AHRR: variants seen among roughly 807,000 people sequenced by gnomAD.
AHRR encodes the protein aryl hydrocarbon receptor repressor, also known as ahR repressor.
In AHRR, 28 loss-of-function variants were observed where a neutral mutation model predicts 44.0. The ratio of observed to expected loss-of-function variants is 0.64; its 90% CI spans 0.47 to 0.87. AHRR has a LOEUF of 0.87. Ranked by LOEUF, AHRR falls within the 40% of genes least tolerant of loss-of-function variation. The probability of loss-of-function intolerance (pLI) is 0.00; values close to 1 mark genes in which losing one functional copy is unlikely to be tolerated. For synonymous variants in AHRR, 434 were observed against 407.0 expected (o/e 1.07, Z -0.80); for missense variants, 990 against 953.9 (o/e 1.04, Z -0.50).
intron 1 of AHRR, among the ~76,000 whole-genome samples, chr5:322,114 C>T (rs913253735): frequency 6.6e-6 from 1 of 152,026 alleles, no homozygotes; most frequent in South Asian, 2.1e-4. Flanking sequence ...GCGTTCCGTG[C>T]GGGCCGCGCT....
rs143193879 is a variant in AHRR, at chr5:388,906, G to A, written c.351+12190G>A. On this transcript the variant is annotated intron_variant, in intron 4 of 10. Transcript: ENST00000684583. This position sits in a 1 kb window ranked among gnomAD's most constrained non-coding sequence, Gnocchi z 5.2. ...AAAGCAGCAGGTGCGGAGGGTTTCC[G>A]CCGGTGCCTCGCACAGGAGAGAAGA... is the stretch of plus-strand genomic sequence containing the variant. Among the ~76,000 whole-genome samples, 689 of 152,272 alleles carry A rather than the reference G, an allele frequency of 4.5e-3. 5 individuals carry two copies. The highest frequency in any genetic ancestry group is 0.012 in the African/African-American group (509 of 41,566).
rs149277802 is a variant in AHRR at position 403,585 on chromosome 5, G to A, written c.352-9759G>A. 4.1e-3 allele frequency: 1,514 copies of A among 366,058 alleles called. 10 individuals are homozygous for A. Among genetic ancestry groups the A allele is most frequent in the South Asian group, 9.9e-3 (273 of 27,488 alleles). The allele number at this position is 366,058 out of a possible 1,614,324, so 22.7% of individuals were successfully genotyped here. A position where few individuals can be genotyped will look rare whatever the true frequency, so the allele number is the denominator to read the frequency against. On this transcript the variant is annotated intron_variant, in intron 4 of 10. Coordinates refer to ENST00000684583, the MANE Select transcript of AHRR (RefSeq NM_001377236.1). ...TGGGAGGCGGAGGTTGCAGTGAGCC[G>A]AGATCGCACCACACTGTACTCCAGC...
Position 376,645 on chromosome 5 carries a change from G to A in AHRR, c.280G>A (p.Gly94Ser), listed in dbSNP as rs191789057. Reference protein sequence around the residue: ...QEQSSRQPAAGAPSPGDSCPL... With the variant: ...QEQSSRQPAASAPSPGDSCPL... ...GCAGAGCTCACGGCAGCCTGCGGCC[G>A]GCGCCCCCTCGCCCGGAGACAGCTG... Residue 94 changes from glycine to serine, a missense_variant, in exon 4 of 11, where the codon GGC (glycine) becomes AGC (serine). Gly to Ser is a moderately conservative substitution (Grantham distance 56). Transcript: ENST00000684583. 819 of 1,152,066 alleles carry A rather than the reference G, an allele frequency of 7.1e-4. 1 individual carries two copies. In the African/African-American group the frequency reaches 0.017, roughly 24 times the overall value. 71.4% of individuals were successfully genotyped at this position (1,152,066 alleles called of 1,614,324 possible). A position where few individuals can be genotyped will look rare whatever the true frequency, so the allele number is the denominator to read the frequency against.
rs560257714 is a variant in AHRR at position 414,432 on chromosome 5, A to G, written c.441+999A>G. Among the ~76,000 whole-genome samples the G allele has an allele frequency of 3.9e-3, 595 of 152,256 alleles. 3 individuals are homozygous for G. Among genetic ancestry groups the G allele is most frequent in the African/African-American group, 0.013 (558 of 41,534 alleles). ...CGAGGACCCCCAGGATCTGGAAATCAGGCGTACTGCAGACTGATAGATTTC... is the reference window on the plus strand; with the variant it reads ...CGAGGACCCCCAGGATCTGGAAATCGGGCGTACTGCAGACTGATAGATTTC... On this transcript the variant is annotated intron_variant, in intron 5 of 10. Transcript: ENST00000684583.
At chr5:410,907 AAATT>A (rs547123121) in intron 4 of AHRR, among the ~76,000 whole-genome samples, 112 of 152,214 alleles carry the variant, frequency 7.4e-4, no homozygotes, top group Middle Eastern at 6.8e-3. Flanking sequence ...TGTTTCACTT[AAATT>A]GTTTAATGTA....
intron 1 of AHRR, among the ~76,000 whole-genome samples, chr5:324,641 T>G (rs978205481): frequency 8.6e-5 from 13 of 151,404 alleles, no homozygotes; most frequent in Admixed American, 6.6e-4. Context: ...ATACAAAAAT[T>G]AGCCGGGTGT....
intron 5 of AHRR, chr5:421,262 C>A: frequency 1.4e-6 from 1 of 697,850 alleles, no homozygotes; most frequent in South Asian, 1.5e-5. Context: ...GGAGCGGATG[C>A]CGTGTGCAGG....
At chr5:372,612 C>T (rs1019209907) in intron 3 of AHRR, among the ~76,000 whole-genome samples, 1 of 152,102 alleles carries the variant, frequency 6.6e-6, no homozygotes, top group South Asian at 2.1e-4. Flanking sequence ...GGCTGGGGTG[C>T]GTGATCTCCA....
rs560843192 is a variant in AHRR at position 332,606 on chromosome 5, A to G, written c.-11+10787A>G. Among the ~76,000 whole-genome samples, 28 of 152,204 alleles carry G rather than the reference A, an allele frequency of 1.8e-4. No individual in the cohort carries two copies. In the South Asian group the frequency reaches 5.8e-3, roughly 32 times the overall value. ...GCATAATATATGGTCTGTCTTGGAGAATGTCCCATGTGCTGATGAAAAGAA... is the reference window on the plus strand; with the variant it reads ...GCATAATATATGGTCTGTCTTGGAGGATGTCCCATGTGCTGATGAAAAGAA... On this transcript the variant is annotated intron_variant, in intron 1 of 10. Coordinates refer to ENST00000684583, the MANE Select transcript of AHRR (RefSeq NM_001377236.1).
chr5:323,996 TC>T (rs1741602808), intron 1 of AHRR, among the ~76,000 whole-genome samples: 5 of 142,400 alleles, frequency 3.5e-5, no homozygotes, highest in African/African-American at 5.2e-5. Context: ...TACCTTCCTT[TC>T]TTTTTTTCTC....
At chr5:332,801 C>T (rs929774211) in intron 1 of AHRR, among the ~76,000 whole-genome samples, 1 of 152,132 alleles carries the variant, frequency 6.6e-6, no homozygotes, top group Non-Finnish European at 1.5e-5. Context: ...CTCTCTCTCT[C>T]TCTTTAGTTC....
rs749432096 is a variant in AHRR, at chr5:422,716, T to C, written c.442-13T>C. The C allele has an allele frequency of 1.2e-6, 2 of 1,614,158 alleles. No homozygotes were observed. The highest frequency in any genetic ancestry group is 4.5e-5 in the East Asian group (2 of 44,884). ...TGGGGTAAGGCTGAAATAATCTTGT[T>C]GCGCTATTTCAGACGGATGTAATGC... On this transcript the variant is annotated splice_polypyrimidine_tract_variant and intron_variant, in intron 5 of 10. Transcript: ENST00000684583.
chr5:345,589 G>A lies in AHRR; in HGVS notation c.62+1625G>A, dbSNP rs939428455. On this transcript the variant is annotated intron_variant, in intron 2 of 10. Transcript: ENST00000684583. ...ATGTGTGGGTGTGTGTGGGTGTGTG[G>A]GGGTGTGTCTGTGTGTGTGGGTGTG... 9.0e-5 allele frequency among the ~76,000 whole-genome samples: 13 copies of A among 144,384 alleles called. 1 individual carries two copies. Among genetic ancestry groups the A allele is most frequent in the Admixed American group, 2.7e-4 (4 of 14,594 alleles). The allele number at this position is 144,384 out of a possible 152,430, so 94.7% of individuals were successfully genotyped here.
At chr5:350,775 TAA>T (rs11306149) in intron 2 of AHRR, among the ~76,000 whole-genome samples, 2,831 of 133,408 alleles carry the variant, frequency 0.021, 42 homozygotes, top group African/African-American at 0.053. Flanking sequence ...GGTGCAACAT[TAA>T]AAAAAAAAAA....
intron 4 of AHRR, among the ~76,000 whole-genome samples, chr5:385,018 C>A (rs1734115097): frequency 6.6e-6 from 1 of 152,134 alleles, no homozygotes; most frequent in African/African-American, 2.4e-5. Flanking sequence ...GTGGCACATG[C>A]CTGTAATCCC....
rs550244690 is a variant in AHRR at position 353,637 on chromosome 5, C to T, written c.63-93C>T. Reference sequence around the variant, plus strand: ...TTGTCCTGGCAGCAGCGTAGATGCTCCTAGTAAGGTCACTGCAGAGGACGG... The same window carrying T: ...TTGTCCTGGCAGCAGCGTAGATGCTTCTAGTAAGGTCACTGCAGAGGACGG... On this transcript the variant is annotated intron_variant, in intron 2 of 10. Transcript: ENST00000684583. 1.7e-5 allele frequency: 20 copies of T among 1,212,044 alleles called. No homozygotes were observed. In the South Asian group the frequency reaches 2.0e-4, roughly 12 times the overall value. The allele number at this position is 1,212,044 out of a possible 1,614,324, so 75.1% of individuals were successfully genotyped here.
chr5:420,777 C>T, intron 5 of AHRR: 1 of 159,522 alleles, frequency 6.3e-6, no homozygotes, highest in Non-Finnish European at 1.3e-5. Context: ...CAGAAAGAGA[C>T]ACCTCCGCGC....
At chr5:430,129 C>T (rs1005984199) in intron 8 of AHRR, among the ~76,000 whole-genome samples, 1 of 152,210 alleles carries the variant, frequency 6.6e-6, no homozygotes, top group African/African-American at 2.4e-5. Flanking sequence ...GTTGCAGTCA[C>T]GTGTGTTGCC....
chr5:428,072 A>T, intron 8 of AHRR, 66 bp downstream of exon 8: 3 of 1,495,874 alleles, frequency 2.0e-6, no homozygotes, highest in Non-Finnish European at 2.8e-6. Context: ...ACACCTCCAC[A>T]CTCAGTGTTT....
Sources: allele counts gnomAD v4.1 joint callset (sites outside exome capture counted in the v4.1 genomes callset), GRCh38; gene constraint gnomAD v4.1.1; non-coding constraint Gnocchi (gnomAD v3.1); transcripts MANE v1.5; gene names NCBI Gene and HGNC (gene_info 2026-07-23, HGNC 2026-07-21).